The following D2HGDH variants were observed in gnomAD, a reference collection of about 807,000 sequenced individuals.
D2HGDH encodes D-2-hydroxyglutarate dehydrogenase, mitochondrial.
A neutral mutation model predicts 46.9 loss-of-function variants in D2HGDH; 31 were observed. That is an observed-to-expected ratio of 0.66 (90% CI 0.50 to 0.89). The LOEUF is 0.89. D2HGDH is among the 40% of genes least tolerant of loss of function. The pLI is 0.00. For missense variants in D2HGDH, 698 were observed against 720.8 expected, an observed-to-expected ratio of 0.97 and a Z score of 0.36; for synonymous variants, 364 against 332.6, an observed-to-expected ratio of 1.09 and a Z score of -1.03.
At chr2:241,767,620 G>A in intron 9 of D2HGDH, 90 bp from the exon 10 acceptor site, 1 of 1,584,714 alleles carries the variant, frequency 6.3e-7, no homozygotes, top group Non-Finnish European at 8.6e-7. Context: ...GGGTTGCTGG[G>A]GAGGGGATCT....
intron 8 of D2HGDH, chr2:241,754,757 C>T: frequency 7.8e-6 from 2 of 255,068 alleles, no homozygotes; most frequent in South Asian, 8.3e-5. Context: ...GTGCCCACCA[C>T]CAAACCCAGC....
At chr2:241,748,902 G>C in intron 6 of D2HGDH, 2 of 1,298,698 alleles carry the variant, frequency 1.5e-6, no homozygotes, top group Non-Finnish European at 2.0e-6. Context: ...CTGGGAGCCC[G>C]AGGCCAGCCC....
In D2HGDH at chr2:241,750,443, G is replaced by A. The variant is rs556423385; in HGVS notation, c.997+149G>A. 61 of 977,436 alleles carry A rather than the reference G, an allele frequency of 6.2e-5. 1 individual carries two copies. In the African/African-American group the frequency reaches 8.2e-4, roughly 13 times the overall value. The allele number at this position is 977,436 out of a possible 1,614,324, so 60.5% of individuals were successfully genotyped here. The stretch of plus-strand genomic sequence containing the variant: ...GGGCGGAGCATGGAGTGGCCGTTGG[G>A]CTCATGTGTAAGAAAGCTGCTCTTA... On this transcript the variant is annotated intron_variant, in intron 7 of 9. Transcript: ENST00000321264.
intron 9 of D2HGDH, among the ~76,000 whole-genome samples, chr2:241,760,592 T>C (rs1171437383): frequency 2.0e-5 from 3 of 151,446 alleles, no homozygotes; most frequent in African/African-American, 7.3e-5. Context: ...GTCGAAGTCC[T>C]TCGCCACAGT....
chr2:241,763,436 C>A (rs1161856743), intron 9 of D2HGDH, among the ~76,000 whole-genome samples: 1 of 152,170 alleles, frequency 6.6e-6, no homozygotes, highest in East Asian at 1.9e-4. Flanking sequence ...AATGCCACAC[C>A]TGCCTGGGGT....
chr2:241,752,155 C>T (rs890909163), intron 8 of D2HGDH, among the ~76,000 whole-genome samples: 2 of 152,140 alleles, frequency 1.3e-5, no homozygotes, highest in South Asian at 2.1e-4. Context: ...ATTTCAGGCT[C>T]GTGTTAGCCT....
At chr2:241,755,446 ACT>A (rs1477297909) in intron 8 of D2HGDH, 91 of 1,310,504 alleles carry the variant, frequency 6.9e-5, no homozygotes, top group Non-Finnish European at 8.9e-5. Context: ...GGCCCTTGCC[ACT>A]CTGTGCCGTG....
rs1694810973 is a variant in D2HGDH at position 241,742,713 on chromosome 2, T to C, written c.490+139T>C. 14 of 1,147,540 alleles carry C rather than the reference T, an allele frequency of 1.2e-5. No individual in the cohort carries two copies. The East Asian group carries it at 3.5e-4, about 28-fold the overall frequency. 71.1% of individuals were successfully genotyped at this position (1,147,540 alleles called of 1,614,324 possible). A position where few individuals can be genotyped will look rare whatever the true frequency, so the allele number is the denominator to read the frequency against. On this transcript the variant is annotated intron_variant, in intron 4 of 9. Transcript: ENST00000321264. The surrounding 1 kb of genome is among the most constrained non-coding windows in gnomAD (Gnocchi z 4.8). ...GCGCTGGGGAAAGAACCAGCGTCTG[T>C]AGCCTGGCCGCCTAGCCCCACCTCG...
intron 2 of D2HGDH, among the ~76,000 whole-genome samples, chr2:241,739,759 T>C (rs1352814889): frequency 6.6e-6 from 1 of 152,194 alleles, no homozygotes; most frequent in Non-Finnish European, 1.5e-5. Flanking sequence ...GCCCAGTGAA[T>C]AAAGTGAGAA....
At position 241,767,876 on chromosome 2, in the gene D2HGDH, A is replaced by T. The variant is rs1176332246; in HGVS notation, c.1473A>T (p.Pro491=). ...GGGACGTCCTGGGCTACAGCAAGCC[A>T]CCGGGGGCCCTGCAGCTCATGCAGC... ...RKRDVLGYSK[P]PGALQLMQQL... is the part of the protein sequence containing the mutation. Residue 491 remains proline, a synonymous_variant, in exon 10 of 10, where the codon CCA becomes CCT. Coordinates refer to ENST00000321264, the MANE Select transcript of D2HGDH (RefSeq NM_152783.5). 6.2e-7 allele frequency: 1 copy of T among 1,609,184 alleles called. No individual in the cohort carries two copies. Among genetic ancestry groups the T allele is most frequent in the African/African-American group, 1.3e-5 (1 of 74,914 alleles).
chr2:241,763,919 A>G (rs1303632342), intron 9 of D2HGDH, among the ~76,000 whole-genome samples: 1 of 152,080 alleles, frequency 6.6e-6, no homozygotes, highest in South Asian at 2.1e-4. Context: ...GCATGGTGGT[A>G]CATGCCTGCA....
intron 8 of D2HGDH, among the ~76,000 whole-genome samples, chr2:241,752,882 C>T (rs1321059199): frequency 6.7e-6 from 1 of 149,550 alleles, no homozygotes; most frequent in African/African-American, 2.5e-5. Context: ...CCCATGCCAC[C>T]CCCAGGGCGG....
intron 9 of D2HGDH, among the ~76,000 whole-genome samples, chr2:241,756,592 G>A (rs1245046969): frequency 1.3e-5 from 2 of 152,194 alleles, no homozygotes; most frequent in Non-Finnish European, 1.5e-5. Context: ...CGCAATCTCG[G>A]CTCACTGCAA....
At chr2:241,749,736 T>G in intron 6 of D2HGDH, 1 of 333,970 alleles carries the variant, frequency 3.0e-6, no homozygotes, top group Non-Finnish European at 5.9e-6. Flanking sequence ...CCCCTCCTGA[T>G]TTGATGCTGG....
rs1030086026 is a variant in D2HGDH at position 241,768,217 on chromosome 2, C to G, written c.*248C>G. ...GTGGGGCCTCTGCAGCCATCCTGGA[C>G]AGGCCGGGGTGGCGGCAGCTTTGCC... On this transcript the variant is annotated 3_prime_UTR_variant, in exon 10 of 10. Coordinates refer to ENST00000321264, the MANE Select transcript of D2HGDH (RefSeq NM_152783.5). 8 of 620,318 alleles carry G rather than the reference C, an allele frequency of 1.3e-5. No homozygotes were observed. The highest frequency in any genetic ancestry group is 2.2e-5 in the Non-Finnish European group (8 of 367,186). 38.4% of individuals were successfully genotyped at this position (620,318 alleles called of 1,614,324 possible). A position where few individuals can be genotyped will look rare whatever the true frequency, so the allele number is the denominator to read the frequency against.
intron 2 of D2HGDH, among the ~76,000 whole-genome samples, chr2:241,737,379 C>T (rs1284316964): frequency 1.3e-5 from 2 of 152,262 alleles, no homozygotes; most frequent in African/African-American, 4.8e-5. Flanking sequence ...ACAATGCCTG[C>T]TCCTCTCCTC....
chr2:241,752,284 T>C (rs1489444943), intron 8 of D2HGDH, among the ~76,000 whole-genome samples: 2 of 152,136 alleles, frequency 1.3e-5, no homozygotes, highest in Non-Finnish European at 2.9e-5. Flanking sequence ...CTGGGCTCAC[T>C]TGTGTGTCCT....
At chr2:241,753,218 G>A (rs902615252) in intron 8 of D2HGDH, among the ~76,000 whole-genome samples, 1 of 152,186 alleles carries the variant, frequency 6.6e-6, no homozygotes. Context: ...ATAGCAAAAC[G>A]ACCCTTTCTT....
chr2:241,752,637 C>G (rs1039704393), intron 8 of D2HGDH, among the ~76,000 whole-genome samples: 1 of 151,992 alleles, frequency 6.6e-6, no homozygotes, highest in African/African-American at 2.4e-5. Context: ...GGACAGCCGC[C>G]GGGGATTCTC....
Sources: allele counts gnomAD v4.1 joint callset (sites outside exome capture counted in the v4.1 genomes callset), GRCh38; gene constraint gnomAD v4.1.1; non-coding constraint Gnocchi (gnomAD v3.1); transcripts MANE v1.5; gene names NCBI Gene and HGNC (gene_info 2026-07-23, HGNC 2026-07-21).